The following HS2ST1 variants were observed in gnomAD, a reference collection of about 807,000 sequenced individuals.
HS2ST1 encodes the protein 2-O-sulfotransferase.
In HS2ST1, 18 loss-of-function variants were observed where a neutral mutation model predicts 42.9. The observed-to-expected ratio is 0.42, with a 90% CI of 0.29 to 0.62. The LOEUF (loss-of-function observed/expected upper bound fraction) is 0.62. HS2ST1 is among the 20% of genes least tolerant of loss of function. HS2ST1 has a pLI of 0.21. For synonymous variants in HS2ST1, 146 were observed against 152.9 expected, an observed-to-expected ratio of 0.95 and a Z score of 0.33; for missense variants, 334 against 433.8, an observed-to-expected ratio of 0.77 and a Z score of 2.04.
At chr1:87,044,943 A>G (rs1024290917) in intron 1 of HS2ST1, 21 of 1,581,986 alleles carry the variant, frequency 1.3e-5, no homozygotes, top group Admixed American at 5.2e-5. Context: ...ATCTAATGCT[A>G]TGACATCATC....
chr1:87,020,724 C>T (rs993784406), intron 1 of HS2ST1, among the ~76,000 whole-genome samples: 2 of 152,162 alleles, frequency 1.3e-5, no homozygotes, highest in Non-Finnish European at 2.9e-5. Flanking sequence ...CTCACTGTGT[C>T]TTCACATAGT....
intron 1 of HS2ST1, among the ~76,000 whole-genome samples, chr1:86,998,905 T>C (rs1649188025): frequency 6.6e-6 from 1 of 152,110 alleles, no homozygotes; most frequent in Admixed American, 6.6e-5. Flanking sequence ...ATCCTCCTCC[T>C]CCCCCATGCT....
chr1:87,002,471 T>G (rs1649316994), intron 1 of HS2ST1, among the ~76,000 whole-genome samples: 1 of 151,910 alleles, frequency 6.6e-6, no homozygotes, highest in African/African-American at 2.4e-5. Flanking sequence ...GGTGTATGCC[T>G]GTAGTCCCTG....
rs1006171393 is a variant in HS2ST1 at position 86,993,250 on chromosome 1, A to G, written c.124+78090A>G. 4.1e-6 allele frequency: 5 copies of G among 1,209,402 alleles called. No homozygotes were observed. The African/African-American group carries it at 7.6e-5, about 18-fold the overall frequency. 74.9% of individuals were successfully genotyped at this position (1,209,402 alleles called of 1,614,324 possible). A position where few individuals can be genotyped will look rare whatever the true frequency, so the allele number is the denominator to read the frequency against. On this transcript the variant is annotated intron_variant, in intron 1 of 6. Coordinates refer to ENST00000370550, the MANE Select transcript of HS2ST1 (RefSeq NM_012262.4). ...GTATGCAACCATACTTAGAAATCTA[A>G]AAACTGATAATAGGATTTGGCAGGG... is the stretch of plus-strand genomic sequence containing the variant.
At position 86,924,143 on chromosome 1, in the gene HS2ST1, C is replaced by T. The variant is rs567306647; in HGVS notation, c.124+8983C>T. ...GGCCCCATGCAAGTCTGAAATCCAG[C>T]GGGGCAGTGAAATCTTAAACCTTCA... is the stretch of plus-strand genomic sequence containing the variant. On this transcript the variant is annotated intron_variant, in intron 1 of 6. Transcript: ENST00000370550. Among the ~76,000 whole-genome samples, 6 of 152,306 alleles carry T rather than the reference C, an allele frequency of 3.9e-5. No individual in the cohort carries two copies. The South Asian group carries it at 1.0e-3, about 26-fold the overall frequency.
intron 1 of HS2ST1, among the ~76,000 whole-genome samples, chr1:87,063,213 T>G (rs2100625179): frequency 1.3e-5 from 2 of 152,312 alleles, no homozygotes; most frequent in Middle Eastern, 6.8e-3. Flanking sequence ...TTGGTCTGTT[T>G]TCCCACTGCT....
At chr1:87,081,814 C>T (rs534480377) in intron 2 of HS2ST1, among the ~76,000 whole-genome samples, 1 of 151,560 alleles carries the variant, frequency 6.6e-6, no homozygotes, top group East Asian at 1.9e-4. Flanking sequence ...GGTGAAACCC[C>T]GTCTCTACTT....
chr1:86,967,510 T>G (rs1648083216), intron 1 of HS2ST1, among the ~76,000 whole-genome samples: 1 of 152,202 alleles, frequency 6.6e-6, no homozygotes, highest in African/African-American at 2.4e-5. Flanking sequence ...TTTTGCATAC[T>G]CATAATGTAG....
chr1:87,004,543 C>T (rs538651928), intron 1 of HS2ST1, among the ~76,000 whole-genome samples: 140 of 152,162 alleles, frequency 9.2e-4, no homozygotes, highest in African/African-American at 3.2e-3. Context: ...ATGCATCATA[C>T]AGCAAGTACT....
chr1:86,933,903 C>A (rs1051422071), intron 1 of HS2ST1, among the ~76,000 whole-genome samples: 56 of 152,072 alleles, frequency 3.7e-4, no homozygotes, highest in African/African-American at 1.2e-3. Flanking sequence ...CTTTGGGTTT[C>A]CCTAATAACT....
chr1:86,920,387 C>A (rs1237476110), intron 1 of HS2ST1, among the ~76,000 whole-genome samples: 2 of 152,074 alleles, frequency 1.3e-5, no homozygotes, highest in Non-Finnish European at 2.9e-5. Flanking sequence ...GTAAGATGTT[C>A]CAGAGAATGC....
chr1:86,951,338 G>A (rs1647507442), intron 1 of HS2ST1, among the ~76,000 whole-genome samples: 1 of 152,058 alleles, frequency 6.6e-6, no homozygotes, highest in South Asian at 2.1e-4. Context: ...ATAAAAACAG[G>A]CGTATCTCAG....
At chr1:86,970,698 A>G (rs1334904267) in intron 1 of HS2ST1, among the ~76,000 whole-genome samples, 2 of 152,110 alleles carry the variant, frequency 1.3e-5, no homozygotes, top group African/African-American at 4.8e-5. Flanking sequence ...CCTGCCTGTA[A>G]TTTTTATTTA....
At chr1:86,941,869 A>T (rs1660770836) in intron 1 of HS2ST1, among the ~76,000 whole-genome samples, 1 of 152,216 alleles carries the variant, frequency 6.6e-6, no homozygotes, top group Admixed American at 6.5e-5. Context: ...GTAACTGCCA[A>T]GTAGAGTTTA....
chr1:87,044,579 G>A (rs1650599149), intron 1 of HS2ST1, among the ~76,000 whole-genome samples: 1 of 152,080 alleles, frequency 6.6e-6, no homozygotes, highest in Non-Finnish European at 1.5e-5. Flanking sequence ...CAAAAATAAA[G>A]GCATGATATT....
rs376437491 is a variant in HS2ST1 at position 87,004,024 on chromosome 1, C to G, written c.125-68910C>G. On this transcript the variant is annotated intron_variant, in intron 1 of 6. Coordinates refer to ENST00000370550, the MANE Select transcript of HS2ST1 (RefSeq NM_012262.4). Reference sequence around the variant, plus strand: ...TAACAATAGGATTCTCAATATGTGGCTAAGGAAAATGTTTATGCCACCAAA... The same window carrying G: ...TAACAATAGGATTCTCAATATGTGGGTAAGGAAAATGTTTATGCCACCAAA... Among the ~76,000 whole-genome samples the G allele has an allele frequency of 8.8e-5, 11 of 125,144 alleles. No homozygotes were observed. The East Asian group carries it at 2.4e-3, about 28-fold the overall frequency. The allele number at this position is 125,144 out of a possible 152,430, so 82.1% of individuals were successfully genotyped here. A position where few individuals can be genotyped will look rare whatever the true frequency, so the allele number is the denominator to read the frequency against.
intron 1 of HS2ST1, among the ~76,000 whole-genome samples, chr1:86,941,700 G>A (rs1414513745): frequency 2.6e-5 from 4 of 151,824 alleles, no homozygotes; most frequent in African/African-American, 4.8e-5. Context: ...GCTTGAACCC[G>A]GGAGACGGAG....
At chr1:86,955,259 G>C (rs930367123) in intron 1 of HS2ST1, among the ~76,000 whole-genome samples, 83 of 152,266 alleles carry the variant, frequency 5.5e-4, no homozygotes, top group African/African-American at 1.8e-3. Flanking sequence ...GAGTCATGTA[G>C]TGTAGGAGTC....
chr1:87,028,614 C>A (rs973066612), intron 1 of HS2ST1, among the ~76,000 whole-genome samples: 4 of 152,064 alleles, frequency 2.6e-5, no homozygotes, highest in African/African-American at 9.7e-5. Context: ...TGGATTAAAA[C>A]CTTATTTTGG....
Sources: gnomAD v4.1 joint callset for allele counts (sites outside exome capture counted in the v4.1 genomes callset) on GRCh38, gnomAD v4.1.1 for gene constraint, MANE v1.5 for transcripts, NCBI Gene and HGNC (gene_info 2026-07-23, HGNC 2026-07-21) for gene names.